The following DOCK2 variants were observed in gnomAD, a reference collection of about 807,000 sequenced individuals.
DOCK2 encodes the protein dedicator of cytokinesis protein 2.
In DOCK2, 87 loss-of-function variants were observed where a neutral mutation model predicts 248.9. The observed-to-expected ratio is 0.35, with a 90% CI of 0.29 to 0.42. DOCK2 has a LOEUF of 0.42. Ranked by LOEUF, DOCK2 falls within the 10% of genes least tolerant of loss-of-function variation. The probability of loss-of-function intolerance (pLI) is 1.00; values close to 1 mark genes in which losing one functional copy is unlikely to be tolerated. For synonymous variants in DOCK2, 805 were observed against 821.6 expected, an observed-to-expected ratio of 0.98 and a Z score of 0.35; for missense variants, 1,747 against 2,300.2, an observed-to-expected ratio of 0.76 and a Z score of 4.92.
chr5:169,870,750 G>C (rs1285194622), intron 27 of DOCK2, among the ~76,000 whole-genome samples: 4 of 152,084 alleles, frequency 2.6e-5, no homozygotes, highest in Admixed American at 2.0e-4. Context: ...TTATCCTCAT[G>C]ATAGCCCAGG....
chr5:169,915,557 A>AACACAC lies in DOCK2; in HGVS notation c.2800-67471_2800-67466dup, dbSNP rs56728646. Among the ~76,000 whole-genome samples, 718 of 143,480 alleles carry AACACAC rather than the reference A, an allele frequency of 5.0e-3. 7 individuals are homozygous for AACACAC. The highest frequency in any genetic ancestry group is 0.013 in the Admixed American group (189 of 14,288). The allele number at this position is 143,480 out of a possible 152,430, so 94.1% of individuals were successfully genotyped here. The stretch of plus-strand genomic sequence containing the variant: ...GAAAATATTTGAGGAATTGACAGGG[A>AACACAC]ACACACACACACACACACACACACA... On this transcript the variant is annotated intron_variant, in intron 27 of 51. Coordinates refer to ENST00000520908, the MANE Select transcript of DOCK2 (RefSeq NM_004946.3).
intron 27 of DOCK2, among the ~76,000 whole-genome samples, chr5:169,949,899 G>C (rs543440267): frequency 6.6e-6 from 1 of 152,026 alleles, no homozygotes; most frequent in African/African-American, 2.4e-5. Context: ...GCTCATATCA[G>C]TTAGTAACTC....
At chr5:169,730,927 G>A (rs926965876) in intron 22 of DOCK2, among the ~76,000 whole-genome samples, 1 of 151,874 alleles carries the variant, frequency 6.6e-6, no homozygotes, top group Non-Finnish European at 1.5e-5. Context: ...TGTTGCACAG[G>A]CTGAAGTACA....
intron 9 of DOCK2, among the ~76,000 whole-genome samples, chr5:169,690,511 AT>A (rs746002291): frequency 1.3e-5 from 2 of 152,248 alleles, no homozygotes; most frequent in Non-Finnish European, 2.9e-5. Context: ...TCTTTAAAAA[AT>A]GGGCCAGAGG....
intron 44 of DOCK2, among the ~76,000 whole-genome samples, chr5:170,065,034 A>T (rs932031020): frequency 6.6e-6 from 1 of 152,208 alleles, no homozygotes; most frequent in Non-Finnish European, 1.5e-5. Context: ...GGCAAAAAAA[A>T]TATAAAAAGA....
In DOCK2 at chr5:170,083,153, T is replaced by C. The variant is rs1758093527; in HGVS notation, c.*295T>C. 1 of 354,830 alleles carries C rather than the reference T, an allele frequency of 2.8e-6. No homozygotes were observed. 22.0% of individuals were successfully genotyped at this position (354,830 alleles called of 1,614,324 possible). A position where few individuals can be genotyped will look rare whatever the true frequency, so the allele number is the denominator to read the frequency against. ...TCTCCCCAACATCCTAGGCACAGCT[T>C]TCATAACCCAGTTTCTTAGGTGTAA... On this transcript the variant is annotated 3_prime_UTR_variant, in exon 52 of 52. Transcript: ENST00000520908.
chr5:169,969,148 C>A (rs1420484417), intron 27 of DOCK2, among the ~76,000 whole-genome samples: 1 of 150,684 alleles, frequency 6.6e-6, no homozygotes, highest in Non-Finnish European at 1.5e-5. Context: ...GACTCTGTTT[C>A]AAAAAAGAAA....
At chr5:169,882,574 T>C (rs1244396469) in intron 27 of DOCK2, 2 of 1,547,740 alleles carry the variant, frequency 1.3e-6, no homozygotes, top group African/African-American at 2.7e-5. Flanking sequence ...AGCTCGAGCT[T>C]TCTCCAAGTC....
intron 27 of DOCK2, among the ~76,000 whole-genome samples, chr5:169,850,277 C>T (rs566729649): frequency 9.9e-5 from 15 of 152,162 alleles, no homozygotes; most frequent in Admixed American, 5.9e-4. Flanking sequence ...AGAGCTTGAA[C>T]GCCTTCCCAG....
intron 18 of DOCK2, 35 bp downstream of exon 18, chr5:169,714,246 G>C (rs554334269): frequency 2.5e-6 from 4 of 1,601,178 alleles, no homozygotes; most frequent in Non-Finnish European, 3.4e-6. Flanking sequence ...TCTGTGGGGA[G>C]TGTGTGTGTC....
In DOCK2 at chr5:169,763,254, TC is replaced by T. The variant is rs1358103939; in HGVS notation, c.2554+1632del. 6.6e-6 allele frequency among the ~76,000 whole-genome samples: 1 copy of T among 152,192 alleles called. No individual in the cohort carries two copies. Among genetic ancestry groups the T allele is most frequent in the South Asian group, 2.1e-4 (1 of 4,836 alleles). The stretch of plus-strand genomic sequence containing the variant: ...TCTGATTTCCACCTCCAAATAAATT[TC>T]CCTCACCCCAAAAGCATTGAAATAT... On this transcript the variant is annotated intron_variant, in intron 25 of 51. Transcript: ENST00000520908. This position sits in a 1 kb window ranked among gnomAD's most constrained non-coding sequence, Gnocchi z 4.1.
Position 169,996,088 on chromosome 5 carries a change from T to C in DOCK2, c.2996T>C (p.Val999Ala). Residue 999 changes from valine to alanine, a missense_variant and splice_region_variant, in exon 30 of 52, where the codon GTC (valine) becomes GCC (alanine). Val to Ala is a moderately conservative substitution (Grantham distance 64, BLOSUM62 0). Transcript: ENST00000520908. ...GGTAATTTTCTGCCCTCTTCCAGGG[T>C]CTTCCTGAGAGCTATCAACAAGTTT... ...WMAMSMVQNRVFLRAINKFAE... is the reference protein window; with the variant it reads ...WMAMSMVQNRAFLRAINKFAE... 6.2e-7 allele frequency: 1 copy of C among 1,613,804 alleles called. No homozygotes were observed. Among genetic ancestry groups the C allele is most frequent in the Non-Finnish European group, 8.5e-7 (1 of 1,179,834 alleles).
chr5:169,963,304 A>G (rs1434801059), intron 27 of DOCK2, among the ~76,000 whole-genome samples: 1 of 152,096 alleles, frequency 6.6e-6, no homozygotes, highest in Non-Finnish European at 1.5e-5. Flanking sequence ...ATTAAATCCA[A>G]CCCACAGCAG....
At chr5:170,039,220 G>A (rs1392130859) in intron 36 of DOCK2, among the ~76,000 whole-genome samples, 1 of 152,090 alleles carries the variant, frequency 6.6e-6, no homozygotes, top group East Asian at 1.9e-4. Context: ...TTTCTGCCTG[G>A]GAAGCTCTCC....
chr5:169,670,694 G>GCAACC, intron 4 of DOCK2, 97 bp downstream of exon 4: 14 of 1,395,182 alleles, frequency 1.0e-5, no homozygotes, highest in Non-Finnish European at 1.3e-5. Context: ...GCTGAGGGTT[G>GCAACC]CTCAGCTTAT....
chr5:169,733,185 C>A (rs1581112337), intron 22 of DOCK2, among the ~76,000 whole-genome samples: 1 of 151,762 alleles, frequency 6.6e-6, no homozygotes, highest in East Asian at 1.9e-4. Context: ...TTTCCTCATT[C>A]CCTTTTTTCC....
chr5:170,018,865 T>C (rs1261173684), intron 32 of DOCK2, 95 bp from the exon 33 acceptor site: 2 of 1,466,890 alleles, frequency 1.4e-6, no homozygotes, highest in Non-Finnish European at 1.8e-6. Flanking sequence ...TTTTTACTAT[T>C]ATGCTTCCCT....
chr5:170,010,753 C>T (rs1001959826), intron 32 of DOCK2, among the ~76,000 whole-genome samples: 2 of 152,208 alleles, frequency 1.3e-5, no homozygotes, highest in African/African-American at 4.8e-5. Flanking sequence ...TGCTGTACAA[C>T]AGCAGAGGCT....
chr5:169,667,241 C>T (rs1411376765), intron 2 of DOCK2, among the ~76,000 whole-genome samples: 2 of 152,202 alleles, frequency 1.3e-5, no homozygotes, highest in African/African-American at 2.4e-5. Flanking sequence ...ATGACCCTAT[C>T]TCTATTTGCA....
Sources: allele counts gnomAD v4.1 joint callset (sites outside exome capture counted in the v4.1 genomes callset), GRCh38; gene constraint gnomAD v4.1.1; non-coding constraint Gnocchi (gnomAD v3.1); transcripts MANE v1.5; gene names NCBI Gene and HGNC (gene_info 2026-07-23, HGNC 2026-07-21).